The following HACD2 variants were observed in gnomAD, a reference collection of about 807,000 sequenced individuals.
HACD2 encodes 3-hydroxyacyl-CoA dehydratase 2.
In HACD2, 15 loss-of-function variants were observed where a neutral mutation model predicts 31.0. The ratio of observed to expected loss-of-function variants is 0.48; its 90% confidence interval spans 0.32 to 0.75. The LOEUF (loss-of-function observed/expected upper bound fraction) is 0.75, where lower values mean the gene tolerates loss of function less well. Ranked by LOEUF, HACD2 falls within the 30% of genes least tolerant of loss-of-function variation. HACD2 has a pLI of 0.03. For missense variants in HACD2, 283 were observed against 313.0 expected (o/e 0.90, Z 0.72); for synonymous variants, 115 against 122.2 (o/e 0.94, Z 0.39).
At chr3:123,555,722 C>T (rs940974563) in intron 3 of HACD2, among the ~76,000 whole-genome samples, 1 of 151,958 alleles carries the variant, frequency 6.6e-6, no homozygotes, top group Non-Finnish European at 1.5e-5. Flanking sequence ...TAGATGTTGA[C>T]AAAAAGATTC....
At chr3:123,506,405 C>A (rs2055976135) in intron 4 of HACD2, among the ~76,000 whole-genome samples, 1 of 152,096 alleles carries the variant, frequency 6.6e-6, no homozygotes, top group African/African-American at 2.4e-5. Context: ...TTATATTTTT[C>A]TTTTCCTCCC....
At chr3:123,538,707 G>A (rs2056454365) in intron 3 of HACD2, among the ~76,000 whole-genome samples, 1 of 152,202 alleles carries the variant, frequency 6.6e-6, no homozygotes, top group Admixed American at 6.5e-5. Flanking sequence ...ATAACTTAGT[G>A]TGAGCAACTG....
rs116550385 is a variant in HACD2 at position 123,498,885 on chromosome 3, G to T, written c.682+1630C>A. Among the ~76,000 whole-genome samples the T allele has an allele frequency of 5.3e-3, 802 of 152,314 alleles. 9 individuals carry two copies. The highest frequency in any genetic ancestry group is 0.019 in the African/African-American group (777 of 41,570). ...TGCCACTACACCAAGAGCTCAGAAG[G>T]AAGAGGCAAAGCTCAGCACTGGTTG... On this transcript the variant is annotated intron_variant, in intron 6 of 6. Transcript: ENST00000383657.
intron 3 of HACD2, among the ~76,000 whole-genome samples, chr3:123,548,285 T>C (rs1354079851): frequency 6.6e-6 from 1 of 152,058 alleles, no homozygotes; most frequent in Non-Finnish European, 1.5e-5. Flanking sequence ...CTCTTAGACC[T>C]CTTCTCTTCC....
chr3:123,566,312 G>C (rs866094706), intron 3 of HACD2, among the ~76,000 whole-genome samples: 11 of 151,764 alleles, frequency 7.2e-5, no homozygotes, highest in African/African-American at 2.7e-4. Flanking sequence ...TTTAAACAGA[G>C]ACTCACTCGT....
intron 3 of HACD2, among the ~76,000 whole-genome samples, chr3:123,566,905 T>C (rs550506302): frequency 7.2e-5 from 11 of 152,120 alleles, no homozygotes; most frequent in Non-Finnish European, 1.2e-4. Flanking sequence ...AGACCCACAG[T>C]GGACAGTCTG....
At chr3:123,495,190 CAAT>C (rs2055817891) in intron 6 of HACD2, among the ~76,000 whole-genome samples, 1 of 152,198 alleles carries the variant, frequency 6.6e-6, no homozygotes, top group African/African-American at 2.4e-5. Flanking sequence ...GTGTGGAATA[CAAT>C]GACAGACACT....
At chr3:123,577,414 G>T (rs1465479583) in intron 2 of HACD2, among the ~76,000 whole-genome samples, 1 of 152,032 alleles carries the variant, frequency 6.6e-6, no homozygotes, top group Non-Finnish European at 1.5e-5. Context: ...GAGGTCAGGA[G>T]ATCGAGACCA....
At chr3:123,537,319 A>C (rs377344456) in intron 3 of HACD2, among the ~76,000 whole-genome samples, 2 of 152,286 alleles carry the variant, frequency 1.3e-5, no homozygotes. Flanking sequence ...GCAATCCCGG[A>C]TCTTTGGGAA....
intron 3 of HACD2, among the ~76,000 whole-genome samples, chr3:123,536,219 T>C (rs1424644118): frequency 2.0e-5 from 3 of 152,170 alleles, no homozygotes; most frequent in Non-Finnish European, 4.4e-5. Context: ...TGTACCCCCA[T>C]GTCCTCAGGG....
At chr3:123,525,284 G>A (rs1229006469) in intron 4 of HACD2, among the ~76,000 whole-genome samples, 2 of 152,174 alleles carry the variant, frequency 1.3e-5, no homozygotes, top group East Asian at 3.9e-4. Flanking sequence ...GTGAGCATAC[G>A]GATCACAATT....
chr3:123,564,070 G>C (rs891533734), intron 3 of HACD2, among the ~76,000 whole-genome samples: 46 of 151,920 alleles, frequency 3.0e-4, no homozygotes, highest in African/African-American at 9.9e-4. Context: ...TGAGAGAGGA[G>C]CATACACTAT....
intron 4 of HACD2, among the ~76,000 whole-genome samples, chr3:123,509,700 C>T (rs1486927432): frequency 2.6e-5 from 4 of 151,938 alleles, no homozygotes; most frequent in Non-Finnish European, 4.4e-5. Flanking sequence ...GGGGTTTCAC[C>T]GTGTTAGCCA....
At chr3:123,533,231 C>T (rs2056387031) in intron 3 of HACD2, among the ~76,000 whole-genome samples, 1 of 143,302 alleles carries the variant, frequency 7.0e-6, no homozygotes, top group Admixed American at 6.9e-5. Flanking sequence ...TCACTGCAGC[C>T]TCAACCTCCT....
At chr3:123,510,165 C>T (rs1001698314) in intron 4 of HACD2, among the ~76,000 whole-genome samples, 6 of 152,186 alleles carry the variant, frequency 3.9e-5, no homozygotes, top group South Asian at 2.1e-4. Flanking sequence ...TTCCCCTCAC[C>T]GCCCCCAGGT....
rs760148302 is a variant in HACD2 at position 123,582,271 on chromosome 3, T to C, written c.214A>G (p.Ser72Gly). ...GGCTTTTCAATTGAATAATAAAGGCTATGGTAGCTACCCTTAGCCAGGTAT... is the reference window on the plus strand; with the variant it reads ...GGCTTTTCAATTGAATAATAAAGGCCATGGTAGCTACCCTTAGCCAGGTAT... ...RAYLAKGSYH[S>G]LYYSIEKPLK... The change falls in exon 2 of 7, where the codon AGC becomes GGC. Residue 72 changes from serine (S) to glycine (G), a missense_variant. Physicochemically the swap from Ser to Gly is moderately conservative, Grantham distance 56 (BLOSUM62 0). Transcript: ENST00000383657. 6.2e-7 allele frequency: 1 copy of C among 1,610,032 alleles called. No individual in the cohort carries two copies. The highest frequency in any genetic ancestry group is 8.5e-7 in the Non-Finnish European group (1 of 1,178,040).
intron 3 of HACD2, among the ~76,000 whole-genome samples, chr3:123,555,524 TAACAA>T (rs2056663908): frequency 6.6e-6 from 1 of 152,104 alleles, no homozygotes; most frequent in Non-Finnish European, 1.5e-5. Context: ...CATATAACTC[TAACAA>T]AACAGAGAAT....
chr3:123,531,102 G>A (rs1301781801), intron 3 of HACD2, among the ~76,000 whole-genome samples: 6 of 151,924 alleles, frequency 3.9e-5, no homozygotes, highest in Admixed American at 1.3e-4. Context: ...TCTTAACCTC[G>A]TGATCTGCCC....
At chr3:123,559,264 T>A (rs1345763588) in intron 3 of HACD2, among the ~76,000 whole-genome samples, 2 of 152,036 alleles carry the variant, frequency 1.3e-5, no homozygotes, top group African/African-American at 4.8e-5. Flanking sequence ...GTGACCATAG[T>A]AAACGTCTGT....
Sources: gnomAD v4.1 joint callset for allele counts (sites outside exome capture counted in the v4.1 genomes callset) on GRCh38, gnomAD v4.1.1 for gene constraint, MANE v1.5 for transcripts, NCBI Gene and HGNC (gene_info 2026-07-23, HGNC 2026-07-21) for gene names.